The following DYTN variants were observed in gnomAD, a reference collection of about 807,000 sequenced individuals.
DYTN encodes the protein dystrotelin.
In DYTN, 75 loss-of-function variants were observed where a neutral mutation model predicts 69.6. The observed-to-expected ratio is 1.08, with a 90% CI of 0.89 to 1.31. The LOEUF (loss-of-function observed/expected upper bound fraction) is 1.31. Ranked by LOEUF, DYTN falls within the 50% of genes most tolerant of loss-of-function variation. The probability of loss-of-function intolerance (pLI) is 0.00; values close to 1 mark genes in which losing one functional copy is unlikely to be tolerated. For synonymous variants in DYTN, 252 were observed against 249.1 expected (o/e 1.01, Z -0.11); for missense variants, 726 against 688.4 (o/e 1.05, Z -0.61).
chr2:206,677,286 T>C (rs1324810753), intron 9 of DYTN, among the ~76,000 whole-genome samples: 1 of 152,160 alleles, frequency 6.6e-6, no homozygotes, highest in Non-Finnish European at 1.5e-5. Context: ...CTCAATAAAT[T>C]GGTTAACAAA....
At position 206,662,921 on chromosome 2, in the gene DYTN, T is replaced by A. The variant is rs748615553; in HGVS notation, c.1615A>T (p.Asn539Tyr). ...ACCTTACCTGATGGCGTTTCTAGAT[T>A]GAAGGCATCCATAAGTTTTGACAAT... The part of the protein sequence containing the change: ...ELLSKLMDAF[N>Y]LETPSGPESS... Residue 539 changes from asparagine to tyrosine, a missense_variant, in exon 11 of 12, where the codon AAT (asparagine) becomes TAT (tyrosine). By Grantham distance (143) the Asn-to-Tyr change is moderately radical. Coordinates refer to ENST00000452335, the MANE Select transcript of DYTN (RefSeq NM_001093730.1). 13 of 1,613,144 alleles carry A rather than the reference T, an allele frequency of 8.1e-6. No individual in the cohort carries two copies. The highest frequency in any genetic ancestry group is 1.1e-5 in the Non-Finnish European group (13 of 1,179,614).
At chr2:206,693,898 A>C (rs372425475) in intron 8 of DYTN, among the ~76,000 whole-genome samples, 1 of 152,210 alleles carries the variant, frequency 6.6e-6, no homozygotes, top group Non-Finnish European at 1.5e-5. Flanking sequence ...GACTTTTAGC[A>C]CTAGGAAGGT....
intron 5 of DYTN, among the ~76,000 whole-genome samples, chr2:206,700,601 CT>C (rs11436601): frequency 1.7e-4 from 26 of 148,850 alleles, no homozygotes; most frequent in African/African-American, 1.7e-4. Context: ...AATATATATA[CT>C]TTTTTTTTTT....
Position 206,665,913 on chromosome 2 carries a change from T to C in DYTN, c.1097A>G (p.Asp366Gly). The change falls in exon 10 of 12, where the codon GAT becomes GGT. Residue 366 changes from aspartate to glycine, a missense_variant. Transcript: ENST00000452335. The stretch of plus-strand genomic sequence containing the variant: ...CTGTTGTAGCTTGGTCCATAGACTA[T>C]CCTGGTTGGTTTTGAGTTTGTGAAT... The part of the protein sequence containing the change: ...TRIHKLKTNQ[D>G]SLWTKLQQIR... The C allele has an allele frequency of 1.2e-6, 2 of 1,613,980 alleles. No homozygotes were observed. The highest frequency in any genetic ancestry group is 1.7e-6 in the Non-Finnish European group (2 of 1,179,868).
intron 2 of DYTN, among the ~76,000 whole-genome samples, chr2:206,707,854 GTT>G (rs1354237921): frequency 6.6e-6 from 1 of 152,192 alleles, no homozygotes; most frequent in Non-Finnish European, 1.5e-5. Context: ...GTGGTAAAAA[GTT>G]GGGGAAAACA....
chr2:206,693,016 C>T (rs1037151750), intron 9 of DYTN, among the ~76,000 whole-genome samples, 159 bp downstream of exon 9: 4 of 152,122 alleles, frequency 2.6e-5, no homozygotes, highest in African/African-American at 9.7e-5. Flanking sequence ...AAATTAAAGG[C>T]CCTTTTTAGA....
intron 9 of DYTN, among the ~76,000 whole-genome samples, chr2:206,667,519 C>G (rs182411508): frequency 6.6e-6 from 1 of 152,332 alleles, no homozygotes; most frequent in African/African-American, 2.4e-5. Flanking sequence ...TTACTTGTCT[C>G]TGTGGCATTC....
chr2:206,712,225 A>G (rs903794524), intron 1 of DYTN, among the ~76,000 whole-genome samples: 10 of 152,176 alleles, frequency 6.6e-5, no homozygotes, highest in African/African-American at 2.4e-4. Context: ...TAGGGGTGAG[A>G]ATCTAAGGAA....
At chr2:206,698,628 C>T (rs556787027) in intron 7 of DYTN, among the ~76,000 whole-genome samples, 1 of 152,336 alleles carries the variant, frequency 6.6e-6, no homozygotes, top group East Asian at 1.9e-4. Flanking sequence ...TCTCTTCTCC[C>T]AAGCTTTAAT....
intron 9 of DYTN, among the ~76,000 whole-genome samples, chr2:206,676,616 T>C (rs984442035): frequency 1.3e-5 from 2 of 152,050 alleles, no homozygotes; most frequent in Non-Finnish European, 2.9e-5. Flanking sequence ...AGCTAATACG[T>C]AAAAATATAA....
At chr2:206,652,495 T>A (rs1699399329) in intron 11 of DYTN, among the ~76,000 whole-genome samples, 1 of 152,210 alleles carries the variant, frequency 6.6e-6, no homozygotes, top group African/African-American at 2.4e-5. Flanking sequence ...AATCTTTAAC[T>A]TAAAGAGTTC....
At chr2:206,675,988 A>C (rs1486250237) in intron 9 of DYTN, among the ~76,000 whole-genome samples, 1 of 152,202 alleles carries the variant, frequency 6.6e-6, no homozygotes, top group Non-Finnish European at 1.5e-5. Context: ...TGGGAGTGTA[A>C]ATTAGTTCAA....
chr2:206,713,825 T>C (rs1700101966), intron 1 of DYTN, among the ~76,000 whole-genome samples: 1 of 152,220 alleles, frequency 6.6e-6, no homozygotes, highest in Admixed American at 6.5e-5. Context: ...CTTGTATTTA[T>C]GGTGCCCAGA....
intron 1 of DYTN, among the ~76,000 whole-genome samples, chr2:206,711,724 A>T (rs1179496185): frequency 2.0e-5 from 3 of 151,264 alleles, no homozygotes; most frequent in Non-Finnish European, 4.4e-5. Flanking sequence ...TCCCAATCCT[A>T]TCCCTCCCCC....
chr2:206,672,657 G>A lies in DYTN; in HGVS notation c.981-6628C>T, dbSNP rs112333566. Among the ~76,000 whole-genome samples the A allele has an allele frequency of 9.8e-3, 1,485 of 152,244 alleles. 24 individuals are homozygous for A. Among genetic ancestry groups the A allele is most frequent in the South Asian group, 0.074 (356 of 4,820 alleles). On this transcript the variant is annotated intron_variant, in intron 9 of 11. Transcript: ENST00000452335. Reference sequence around the variant, plus strand: ...ACTTACTCTCCACTCACACTTAACTGCAATACGGAAACTCCAGTTTTTCTC... The same window carrying A: ...ACTTACTCTCCACTCACACTTAACTACAATACGGAAACTCCAGTTTTTCTC...
intron 2 of DYTN, among the ~76,000 whole-genome samples, chr2:206,708,580 A>G (rs1386730024): frequency 2.6e-5 from 4 of 152,086 alleles, no homozygotes. Flanking sequence ...TATCGTTAAA[A>G]CCTGTCACCT....
chr2:206,715,272 CTG>C (rs1371371400), intron 1 of DYTN, among the ~76,000 whole-genome samples: 1 of 152,122 alleles, frequency 6.6e-6, no homozygotes, highest in African/African-American at 2.4e-5. Flanking sequence ...GATGGAGAAA[CTG>C]GGTGCCTGTC....
chr2:206,659,292 C>G (rs2105886936), intron 11 of DYTN, among the ~76,000 whole-genome samples: 1 of 149,590 alleles, frequency 6.7e-6, no homozygotes, highest in East Asian at 2.0e-4. Flanking sequence ...CTGCCTCAGG[C>G]TCCCGAGTAG....
chr2:206,673,555 C>T (rs112108516), intron 9 of DYTN, among the ~76,000 whole-genome samples: 18 of 151,532 alleles, frequency 1.2e-4, no homozygotes, highest in African/African-American at 3.9e-4. Context: ...CACGCCTGGC[C>T]GGTTCTCCGA....
Sources: gnomAD v4.1 joint callset for allele counts (sites outside exome capture counted in the v4.1 genomes callset) on GRCh38, gnomAD v4.1.1 for gene constraint, MANE v1.5 for transcripts, NCBI Gene and HGNC (gene_info 2026-07-23, HGNC 2026-07-21) for gene names.